Variants in RAB11A observed in about 807,000 individuals in gnomAD.
The protein encoded by RAB11A is RAB11A, member RAS oncogene family, also known as ras-related protein Rab-11A.
RAB11A carries 9 observed loss-of-function variants against 28.0 expected under a neutral mutation model. That is an observed-to-expected ratio of 0.32 (90% confidence interval 0.19 to 0.56). The LOEUF is 0.56. Among genes scored for constraint, RAB11A ranks in the 20% least tolerant of loss-of-function variants. The pLI, the probability that RAB11A is intolerant of heterozygous loss-of-function variation, is 0.91. For synonymous variants in RAB11A, 85 were observed against 88.2 expected, an observed-to-expected ratio of 0.96 and a Z score of 0.20; for missense variants, 108 against 269.6, an observed-to-expected ratio of 0.40 and a Z score of 4.20.
In RAB11A at chr15:65,889,683, A is replaced by G. The variant is rs2078276056; in HGVS notation, c.*1843A>G. ...GTGTATTTTCATATATAACAGTGTC[A>G]CCAGACCCAGGAAAAGAAACCATCT... On this transcript the variant is annotated 3_prime_UTR_variant, in exon 5 of 5. Transcript: ENST00000261890. The G allele has an allele frequency of 6.6e-6, 1 of 152,222 alleles. No individual in the cohort carries two copies. The highest frequency in any genetic ancestry group is 1.5e-5 in the Non-Finnish European group (1 of 68,042). The allele number at this position is 152,222 out of a possible 1,614,324, so 9.4% of individuals were successfully genotyped here.
chr15:65,872,277 A>G (rs1367758141), intron 1 of RAB11A, among the ~76,000 whole-genome samples: 1 of 150,976 alleles, frequency 6.6e-6, no homozygotes, highest in Non-Finnish European at 1.5e-5. Context: ...TGAACCTTAA[A>G]TGTAGGTTCA....
chr15:65,870,255 G>T (rs1422627960), intron 1 of RAB11A, among the ~76,000 whole-genome samples: 2 of 152,118 alleles, frequency 1.3e-5, no homozygotes, highest in African/African-American at 4.8e-5. Flanking sequence ...CGGTTCTCGC[G>T]GTCCTTAACC....
At position 65,869,495 on chromosome 15, in the gene RAB11A, G is replaced by A; in HGVS notation, c.-91G>A. ...GGGCTCTTCACCCAGTCCGGCAGTT[G>A]AAGCTCGGCGCTCGGGTTACCCCTG... is the stretch of plus-strand genomic sequence containing the variant. On this transcript the variant is annotated 5_prime_UTR_variant, in exon 1 of 5. Transcript: ENST00000261890. 2 of 1,534,096 alleles carry A rather than the reference G, an allele frequency of 1.3e-6. No individual in the cohort carries two copies. Among genetic ancestry groups the A allele is most frequent in the Admixed American group, 3.7e-5 (2 of 53,716 alleles).
intron 1 of RAB11A, among the ~76,000 whole-genome samples, chr15:65,876,036 A>G (rs1412245887): frequency 1.3e-5 from 2 of 152,264 alleles, no homozygotes; most frequent in Non-Finnish European, 2.9e-5. Flanking sequence ...CTCAGATTCT[A>G]TAAACGTGTG....
rs1184068273 is a variant in RAB11A, at chr15:65,877,036, G to C, written c.41-296G>C. Among the ~76,000 whole-genome samples, 1 of 152,168 alleles carries C rather than the reference G, an allele frequency of 6.6e-6. No individual in the cohort carries two copies. The highest frequency in any genetic ancestry group is 1.5e-5 in the Non-Finnish European group (1 of 68,040). ...ATTAATGCCTGTCATCAATGCCAAGGGCATCTGTGATTAAAACTGCATGTT... is the reference window on the plus strand; with the variant it reads ...ATTAATGCCTGTCATCAATGCCAAGCGCATCTGTGATTAAAACTGCATGTT... On this transcript the variant is annotated intron_variant, in intron 1 of 4. Transcript: ENST00000261890. The surrounding 1 kb of genome is among the most constrained non-coding windows in gnomAD (Gnocchi z 4.1).
At chr15:65,882,319 A>T (rs2078228036) in intron 4 of RAB11A, among the ~76,000 whole-genome samples, 1 of 152,238 alleles carries the variant, frequency 6.6e-6, no homozygotes, top group African/African-American at 2.4e-5. Context: ...TTCCTCCTGT[A>T]TGCCAGTGGA....
At chr15:65,881,840 C>CAAGACCAGCCTGGGCA (rs1292363874) in intron 4 of RAB11A, among the ~76,000 whole-genome samples, 1 of 123,248 alleles carries the variant, frequency 8.1e-6, no homozygotes, top group Non-Finnish European at 1.6e-5. Context: ...CTCAAAAGTT[C>CAAGACCAGCCTGGGCA]AAGACCAGCC....
chr15:65,877,807 T>A lies in RAB11A; in HGVS notation c.282T>A (p.Ala94=), dbSNP rs746774499. 196 of 1,611,242 alleles carry A rather than the reference T, an allele frequency of 1.2e-4. 2 individuals are homozygous for A. The Admixed American group carries it at 3.2e-3, about 27-fold the overall frequency. The change falls in exon 3 of 5, where the codon GCT becomes GCA. Residue 94 remains alanine, a synonymous_variant. Transcript: ENST00000261890. The surrounding 1 kb of genome is among the most constrained non-coding windows in gnomAD (Gnocchi z 4.1). ...AVGALLVYDI[A]KHLTYENVER... ...GTGCCTTATTGGTTTATGACATTGC[T>A]AAACATCTCACATATGAAAATGTAG... is the stretch of plus-strand genomic sequence containing the variant.
At chr15:65,885,424 C>A (rs1162670471) in intron 4 of RAB11A, among the ~76,000 whole-genome samples, 1 of 152,112 alleles carries the variant, frequency 6.6e-6, no homozygotes, top group Non-Finnish European at 1.5e-5. Flanking sequence ...CCTCGCTTGG[C>A]CCATTTATAC....
At chr15:65,884,756 AT>A (rs1450452411) in intron 4 of RAB11A, among the ~76,000 whole-genome samples, 6 of 150,014 alleles carry the variant, frequency 4.0e-5, no homozygotes, top group African/African-American at 1.5e-4. Context: ...TGGGTGTGTC[AT>A]TAAAAAAAAA....
At position 65,888,384 on chromosome 15, in the gene RAB11A, A is replaced by G. The variant is rs1176892340; in HGVS notation, c.*544A>G. ...CCTTAATAGGTTTATGTAGTTGAGT[A>G]AATTTTGTTTTTTAATTTTTGTAAG... is the stretch of plus-strand genomic sequence containing the variant. On this transcript the variant is annotated 3_prime_UTR_variant, in exon 5 of 5. Transcript: ENST00000261890. 2 of 152,672 alleles carry G rather than the reference A, an allele frequency of 1.3e-5. No individual in the cohort carries two copies. Among genetic ancestry groups the G allele is most frequent in the African/African-American group, 4.8e-5 (2 of 41,474 alleles). 9.5% of individuals were successfully genotyped at this position (152,672 alleles called of 1,614,324 possible). A position where few individuals can be genotyped will look rare whatever the true frequency, so the allele number is the denominator to read the frequency against.
At chr15:65,878,230 A>G (rs963720006) in intron 3 of RAB11A, among the ~76,000 whole-genome samples, 2 of 152,188 alleles carry the variant, frequency 1.3e-5, no homozygotes, top group African/African-American at 2.4e-5. Flanking sequence ...CGTGAGCTCT[A>G]TGTGAGTGAA....
chr15:65,873,124 T>A (rs2141100767), intron 1 of RAB11A, among the ~76,000 whole-genome samples: 1 of 152,378 alleles, frequency 6.6e-6, no homozygotes, highest in South Asian at 2.1e-4. Context: ...TTAAGCCCAA[T>A]AGTGAGACTT....
At chr15:65,882,057 A>G (rs2078226482) in intron 4 of RAB11A, among the ~76,000 whole-genome samples, 1 of 151,630 alleles carries the variant, frequency 6.6e-6, no homozygotes, top group Non-Finnish European at 1.5e-5. Flanking sequence ...TCTCAAAAAG[A>G]AAAAAAAAGA....
rs73477502 is a variant in RAB11A, at chr15:65,869,803, C to G, written c.40+178C>G. On this transcript the variant is annotated intron_variant, in intron 1 of 4. Transcript: ENST00000261890. Reference sequence around the variant, plus strand: ...TTCTCCCCCGCTCAGACAGGGGTCCCCATCACATGCCGCTCTCTGAGCGAC... The same window carrying G: ...TTCTCCCCCGCTCAGACAGGGGTCCGCATCACATGCCGCTCTCTGAGCGAC... Among the ~76,000 whole-genome samples, 206 of 152,296 alleles carry G rather than the reference C, an allele frequency of 1.4e-3. 1 individual carries two copies. The highest frequency in any genetic ancestry group is 4.7e-3 in the African/African-American group (196 of 41,566).
At chr15:65,874,334 C>A (rs191769297) in intron 1 of RAB11A, among the ~76,000 whole-genome samples, 1 of 152,158 alleles carries the variant, frequency 6.6e-6, no homozygotes, top group Non-Finnish European at 1.5e-5. Flanking sequence ...CCTCCGCCTC[C>A]CGCTTCAAGC....
intron 4 of RAB11A, 37 bp from the exon 5 acceptor site, chr15:65,887,664 A>C: frequency 1.1e-5 from 17 of 1,572,372 alleles, no homozygotes; most frequent in Non-Finnish European, 1.5e-5. Flanking sequence ...TGATAGGTTT[A>C]TTCACACTAA....
At position 65,879,807 on chromosome 15, in the gene RAB11A, T is replaced by C. The variant is rs1222206526; in HGVS notation, c.511+56T>C. 5 of 1,339,110 alleles carry C rather than the reference T, an allele frequency of 3.7e-6. No individual in the cohort carries two copies. The African/African-American group carries it at 4.4e-5, about 12-fold the overall frequency. The allele number at this position is 1,339,110 out of a possible 1,614,324, so 83.0% of individuals were successfully genotyped here. ...AGGACTAGAAGTTTTAGGAAGGTAA[T>C]TTAAACAAACTAATCAGTAACTAAA... On this transcript the variant is annotated intron_variant, in intron 4 of 4. Transcript: ENST00000261890.
Position 65,886,800 on chromosome 15 carries a change from G to A in RAB11A, c.512-901G>A, listed in dbSNP as rs139359783. Reference sequence around the variant, plus strand: ...TGATCCTTACAGAGTTTAACACTTAGTAAAAGAGGCAGACACTAAATTATT... The same window carrying A: ...TGATCCTTACAGAGTTTAACACTTAATAAAAGAGGCAGACACTAAATTATT... On this transcript the variant is annotated intron_variant, in intron 4 of 4. Coordinates refer to ENST00000261890, the MANE Select transcript of RAB11A (RefSeq NM_004663.5). Among the ~76,000 whole-genome samples the A allele has an allele frequency of 5.3e-5, 8 of 152,284 alleles. No homozygotes were observed. The East Asian group carries it at 1.5e-3, about 29-fold the overall frequency.
Sources: gnomAD v4.1 joint callset for allele counts (sites outside exome capture counted in the v4.1 genomes callset) on GRCh38, gnomAD v4.1.1 for gene constraint, Gnocchi (gnomAD v3.1) non-coding constraint, MANE v1.5 for transcripts, NCBI Gene and HGNC (gene_info 2026-07-23, HGNC 2026-07-21) for gene names.